Variants in FSIP2 observed in about 807,000 individuals in gnomAD.
FSIP2 encodes the protein fibrous sheath-interacting protein 2.
In FSIP2, 367 loss-of-function variants were observed where a neutral mutation model predicts 510.5. That is an observed-to-expected ratio of 0.72 (90% CI 0.66 to 0.78). The LOEUF is 0.78. FSIP2 is among the 30% of genes least tolerant of loss of function. The pLI is 0.00. For missense variants in FSIP2, 7,594 were observed against 7,901.7 expected (o/e 0.96, Z 1.48); for synonymous variants, 2,601 against 2,732.2 (o/e 0.95, Z 1.50).
intron 7 of FSIP2, among the ~76,000 whole-genome samples, chr2:185,748,154 A>G (rs575556740): frequency 1.3e-5 from 2 of 152,112 alleles, no homozygotes; most frequent in African/African-American, 4.8e-5. Flanking sequence ...GAAAGTTTAA[A>G]TATGTATGCT....
At position 185,789,531 on chromosome 2, in the gene FSIP2, T is replaced by C; in HGVS notation, c.2395T>C (p.Ser799Pro). ...SLAASDELLT[S>P]SNGKPLKNSM... is the part of the protein sequence containing the mutation. ...AGCAGCCAGTGATGAACTTCTCACA[T>C]CATCTAATGGAAAACCTTTGAAAAA... Residue 799 changes from serine to proline, a missense_variant, in exon 16 of 23, where the codon TCA becomes CCA. Physicochemically the swap from Ser to Pro is moderately conservative, Grantham distance 74. Transcript: ENST00000424728. 6.5e-7 allele frequency: 1 copy of C among 1,534,722 alleles called. No individual in the cohort carries two copies. Among genetic ancestry groups the C allele is most frequent in the Non-Finnish European group, 8.7e-7 (1 of 1,145,906 alleles).
In FSIP2 at chr2:185,800,936, C is replaced by G; in HGVS notation, c.11630C>G (p.Thr3877Arg). ...PFANKHLNYR[T>R]REIQSSFIKA... is the part of the protein sequence containing the mutation. ...GCAAATAAGCATTTGAACTACAGAA[C>G]AAGAGAAATACAGTCTAGTTTCATA... The change falls in exon 17 of 23, where the codon ACA becomes AGA. Residue 3877 changes from threonine (T) to arginine (R), a missense_variant. By Grantham distance (71) the Thr-to-Arg change is moderately conservative. Transcript: ENST00000424728. 6.5e-7 allele frequency: 1 copy of G among 1,530,928 alleles called. No individual in the cohort carries two copies. Among genetic ancestry groups the G allele is most frequent in the Non-Finnish European group, 8.7e-7 (1 of 1,143,794 alleles). 94.8% of individuals were successfully genotyped at this position (1,530,928 alleles called of 1,614,324 possible).
chr2:185,763,403 C>G, intron 12 of FSIP2, 114 bp downstream of exon 12: 4 of 635,632 alleles, frequency 6.3e-6, no homozygotes, highest in Non-Finnish European at 1.1e-5. Flanking sequence ...CAACTTTATT[C>G]CCTGAAATTA....
In FSIP2 at chr2:185,801,473, A is replaced by G; in HGVS notation, c.12167A>G (p.Gln4056Arg). Reference sequence around the variant, plus strand: ...GACTCAGTTTATTATGATGTTTTACAGCAGTATGAATTAAAAGTGGCCTGT... The same window carrying G: ...GACTCAGTTTATTATGATGTTTTACGGCAGTATGAATTAAAAGTGGCCTGT... ...IVDSVYYDVL[Q>R]QYELKVACGN... is the part of the protein sequence containing the mutation. The change falls in exon 17 of 23, where the codon CAG becomes CGG. Residue 4056 changes from glutamine (Q) to arginine (R), a missense_variant. Transcript: ENST00000424728. 1 of 1,533,886 alleles carries G rather than the reference A, an allele frequency of 6.5e-7. No homozygotes were observed. Among genetic ancestry groups the G allele is most frequent in the Admixed American group, 2.0e-5 (1 of 50,832 alleles).
rs1693399340 is a variant in FSIP2, at chr2:185,800,237, T to A, written c.10931T>A (p.Leu3644His). The A allele has an allele frequency of 3.3e-6, 5 of 1,532,254 alleles. No individual in the cohort carries two copies. The highest frequency in any genetic ancestry group is 4.4e-6 in the Non-Finnish European group (5 of 1,145,096). The allele number at this position is 1,532,254 out of a possible 1,614,324, so 94.9% of individuals were successfully genotyped here. A position where few individuals can be genotyped will look rare whatever the true frequency, so the allele number is the denominator to read the frequency against. The change falls in exon 17 of 23, where the codon CTT (leucine) becomes CAT (histidine). Residue 3644 changes from leucine (L) to histidine (H), a missense_variant. Physicochemically the swap from Leu to His is moderately conservative, Grantham distance 99. Transcript: ENST00000424728. ...FSMHRNNSVP[L>H]CNKINRQASP... ...ATGCATAGAAATAATAGTGTACCCC[T>A]TTGCAACAAAATCAATAGACAGGCA...
rs983421754 is a variant in FSIP2 at position 185,808,843 on chromosome 2, T to C, written c.19537T>C (p.Ser6513Pro). The C allele has an allele frequency of 8.7e-6, 14 of 1,612,458 alleles. No homozygotes were observed. The highest frequency in any genetic ancestry group is 1.2e-5 in the Non-Finnish European group (14 of 1,179,290). ...GCAAGAAAAGTTAGATCAAAATTTA[T>C]CTGAAGAGGAATCTCCAATTAAAAT... is the stretch of plus-strand genomic sequence containing the variant. ...LEQEKLDQNL[S>P]EEESPIKIVP... Residue 6513 changes from serine (S) to proline (P), a missense_variant, in exon 17 of 23, where the codon TCT becomes CCT. Physicochemically the swap from Ser to Pro is moderately conservative, Grantham distance 74. Coordinates refer to ENST00000424728, the MANE Select transcript of FSIP2 (RefSeq NM_173651.4).
intron 9 of FSIP2, among the ~76,000 whole-genome samples, chr2:185,757,472 G>T (rs1055710128): frequency 2.0e-5 from 3 of 151,334 alleles, no homozygotes; most frequent in Non-Finnish European, 4.4e-5. Context: ...TCTTGTTTCA[G>T]TGAAGGGTAT....
At chr2:185,833,044 T>G (rs1387506854) in intron 22 of FSIP2, 46 bp from the exon 23 acceptor site, 1 of 1,580,174 alleles carries the variant, frequency 6.3e-7, no homozygotes, top group East Asian at 2.2e-5. Context: ...TTTACCTCAG[T>G]GTTCAAAAAT....
chr2:185,757,965 T>C (rs1422423715), intron 9 of FSIP2, among the ~76,000 whole-genome samples: 1 of 151,140 alleles, frequency 6.6e-6, no homozygotes, highest in Non-Finnish European at 1.5e-5. Flanking sequence ...CTCCAACTAA[T>C]AATCCCAGAT....
At chr2:185,749,661 C>A (rs1206062732) in intron 7 of FSIP2, among the ~76,000 whole-genome samples, 1 of 151,678 alleles carries the variant, frequency 6.6e-6, no homozygotes, top group Non-Finnish European at 1.5e-5. Context: ...TTGAAACCTT[C>A]AGTATAATGC....
chr2:185,791,846 A>G lies in FSIP2; in HGVS notation c.4710A>G (p.Thr1570=), dbSNP rs1311881489. 4 of 1,533,710 alleles carry G rather than the reference A, an allele frequency of 2.6e-6. No homozygotes were observed. In the East Asian group the frequency reaches 9.8e-5, roughly 38 times the overall value. ...CTGTGTCTTCCAAAACACCAAGCAC[A>G]AAAGAAATGCATCCAAATAAACTAA... The part of the protein sequence containing the change: ...VAPVSSKTPS[T]KEMHPNKLKA... The change falls in exon 16 of 23, where the codon ACA becomes ACG. Residue 1570 remains threonine (T), a synonymous_variant. Transcript: ENST00000424728.
Position 185,790,743 on chromosome 2 carries a change from C to T in FSIP2, c.3607C>T (p.His1203Tyr), listed in dbSNP as rs1361927298. 4 of 1,532,518 alleles carry T rather than the reference C, an allele frequency of 2.6e-6. No individual in the cohort carries two copies. Among genetic ancestry groups the T allele is most frequent in the Admixed American group, 3.9e-5 (2 of 50,824 alleles). The allele number at this position is 1,532,518 out of a possible 1,614,324, so 94.9% of individuals were successfully genotyped here. A position where few individuals can be genotyped will look rare whatever the true frequency, so the allele number is the denominator to read the frequency against. The part of the protein sequence containing the change: ...ISSSVHQISL[H>Y]NSDTEHIVKE... ...ATCATCAGTTCATCAGATTTCCTTA[C>T]ATAATTCTGACACTGAACACATAGT... The change falls in exon 16 of 23, where the codon CAT becomes TAT. Residue 1203 changes from histidine (H) to tyrosine (Y), a missense_variant. His to Tyr is a moderately conservative substitution (Grantham distance 83). Transcript: ENST00000424728.
At chr2:185,828,231 A>G (rs745887454) in intron 21 of FSIP2, 32 bp downstream of exon 21, 2 of 1,232,796 alleles carry the variant, frequency 1.6e-6, no homozygotes, top group Admixed American at 3.5e-5. Context: ...TAGTTGATAT[A>G]TATTAGGAGC....
rs1344891045 is a variant in FSIP2 at position 185,808,780 on chromosome 2, G to A, written c.19474G>A (p.Ala6492Thr). The A allele has an allele frequency of 2.5e-6, 4 of 1,612,590 alleles. No homozygotes were observed. Among genetic ancestry groups the A allele is most frequent in the African/African-American group, 2.7e-5 (2 of 74,884 alleles). Residue 6492 changes from alanine (A) to threonine (T), a missense_variant, in exon 17 of 23, where the codon GCC becomes ACC. By Grantham distance (58) the Ala-to-Thr change is moderately conservative. Transcript: ENST00000424728. ...AGACGTTAATAGAATTGTTCAAAAG[G>A]CCCAAGAACATGCTTTTAATGTGAT... ...ELDVNRIVQKAQEHAFNVIPE... is the reference protein window; with the variant it reads ...ELDVNRIVQKTQEHAFNVIPE...
chr2:185,832,845 G>A (rs1267400382), intron 22 of FSIP2, among the ~76,000 whole-genome samples: 1 of 151,902 alleles, frequency 6.6e-6, no homozygotes, highest in Admixed American at 6.6e-5. Flanking sequence ...AGAGTTGAAA[G>A]TTAATTTCCC....
intron 22 of FSIP2, 110 bp downstream of exon 22, chr2:185,831,992 T>A (rs1694117529): frequency 1.5e-6 from 1 of 688,590 alleles, no homozygotes; most frequent in African/African-American, 1.8e-5. Context: ...TCCCCTTGCA[T>A]ATTATCAAAA....
Position 185,806,672 on chromosome 2 carries a change from A to T in FSIP2, c.17366A>T (p.Asp5789Val). The change falls in exon 17 of 23, where the codon GAT becomes GTT. Residue 5789 changes from aspartate (D) to valine (V), a missense_variant. Coordinates refer to ENST00000424728, the MANE Select transcript of FSIP2 (RefSeq NM_173651.4). ...PGIFPAKFLE[D>V]VITEMVKQLI... ...ATTTTTCCCGCTAAGTTTTTAGAAG[A>T]TGTTATTACTGAGATGGTTAAACAA... 3 of 1,601,670 alleles carry T rather than the reference A, an allele frequency of 1.9e-6. No individual in the cohort carries two copies. Among genetic ancestry groups the T allele is most frequent in the Middle Eastern group, 1.7e-4 (1 of 5,956 alleles).
Position 185,807,438 on chromosome 2 carries a change from G to T in FSIP2, c.18132G>T (p.Leu6044=). The T allele has an allele frequency of 2.5e-6, 4 of 1,612,312 alleles. No homozygotes were observed. The highest frequency in any genetic ancestry group is 3.4e-6 in the Non-Finnish European group (4 of 1,179,286). The change falls in exon 17 of 23, where the codon CTG becomes CTT. Residue 6044 remains leucine, a synonymous_variant. Coordinates refer to ENST00000424728, the MANE Select transcript of FSIP2 (RefSeq NM_173651.4). ...CTGAGGACAATTTGTCCACAGAACTGAATTTCCTTCAAATGAAGTTAGTAA... is the reference window on the plus strand; with the variant it reads ...CTGAGGACAATTTGTCCACAGAACTTAATTTCCTTCAAATGAAGTTAGTAA... ...KEPEDNLSTE[L]NFLQMKLVSA...
intron 20 of FSIP2, among the ~76,000 whole-genome samples, chr2:185,826,626 T>G (rs1428157816): frequency 6.8e-6 from 1 of 146,278 alleles, no homozygotes; most frequent in Non-Finnish European, 1.6e-5. Flanking sequence ...ATTTTAACTG[T>G]TTTTTTGACT....
Sources: gnomAD v4.1 joint callset for allele counts (sites outside exome capture counted in the v4.1 genomes callset) on GRCh38, gnomAD v4.1.1 for gene constraint, MANE v1.5 for transcripts, NCBI Gene and HGNC (gene_info 2026-07-23, HGNC 2026-07-21) for gene names.